The following ATF7 variants were observed in gnomAD, a reference collection of about 807,000 sequenced individuals.
ATF7 encodes the protein activating transcription factor 7.
Under a neutral mutation model 50.4 loss-of-function variants are expected in ATF7, and 10 were observed. The ratio of observed to expected loss-of-function variants is 0.20; its 90% CI spans 0.12 to 0.34. The LOEUF (loss-of-function observed/expected upper bound fraction) is 0.34. Ranked by LOEUF, ATF7 falls within the 10% of genes least tolerant of loss-of-function variation. ATF7 has a pLI of 1.00. For missense variants in ATF7, 465 were observed against 613.9 expected, an observed-to-expected ratio of 0.76 and a Z score of 2.56; for synonymous variants, 201 against 226.4, an observed-to-expected ratio of 0.89 and a Z score of 1.01.
chr12:53,582,027 G>A (rs1942448394), intron 2 of ATF7, among the ~76,000 whole-genome samples: 1 of 151,690 alleles, frequency 6.6e-6, no homozygotes, highest in African/African-American at 2.4e-5. Context: ...CATTTGAACT[G>A]AGGAGTCGGA....
intron 1 of ATF7, among the ~76,000 whole-genome samples, chr12:53,613,235 C>T (rs954708864): frequency 1.4e-5 from 2 of 142,992 alleles, no homozygotes; most frequent in African/African-American, 5.3e-5. Context: ...TTTCCCATTA[C>T]ATCATTTTCT....
chr12:53,560,424 G>A (rs185758922), intron 2 of ATF7, among the ~76,000 whole-genome samples: 22 of 152,212 alleles, frequency 1.4e-4, no homozygotes, highest in African/African-American at 4.3e-4. Flanking sequence ...CAAATGAGAC[G>A]TAAGGCCAAA....
At chr12:53,610,967 T>C (rs1399469955) in intron 1 of ATF7, among the ~76,000 whole-genome samples, 1 of 151,862 alleles carries the variant, frequency 6.6e-6, no homozygotes, top group Non-Finnish European at 1.5e-5. Flanking sequence ...GCTGGGACTA[T>C]AGGTGCACAC....
intron 4 of ATF7, among the ~76,000 whole-genome samples, chr12:53,539,280 G>T (rs551015536): frequency 3.9e-5 from 6 of 152,284 alleles, no homozygotes; most frequent in Admixed American, 6.5e-5. Context: ...AATAAATTGG[G>T]TATAAAATCC....
At chr12:53,510,083 A>G (rs1944101841), downstream of ATF7, among the ~76,000 whole-genome samples, 1 of 148,576 alleles carries the variant, frequency 6.7e-6, no homozygotes, top group South Asian at 2.1e-4. Context: ...CTTGTTGCCC[A>G]GGCTGGAGTG....
At chr12:53,533,307 A>C in intron 6 of ATF7, 48 bp from the exon 7 acceptor site, 1 of 1,444,178 alleles carries the variant, frequency 6.9e-7, no homozygotes, top group Non-Finnish European at 9.7e-7. Context: ...CCTTTTGTCC[A>C]TGGATCTTCC....
intron 4 of ATF7, among the ~76,000 whole-genome samples, chr12:53,541,866 G>A (rs914807468): frequency 7.9e-5 from 12 of 152,136 alleles, no homozygotes; most frequent in African/African-American, 2.6e-4. Flanking sequence ...CTGTCGCCCA[G>A]GCTGGAATGC....
Position 53,552,720 on chromosome 12 carries a change from T to C in ATF7, c.49-83A>G, listed in dbSNP as rs1402228148. Reference sequence around the variant, plus strand: ...CCCTTTTAAAATGTCCTACCAAACATCTTGCAATGAGATTGGTCCCTGGAA... The same window carrying C: ...CCCTTTTAAAATGTCCTACCAAACACCTTGCAATGAGATTGGTCCCTGGAA... On this transcript the variant is annotated intron_variant, in intron 2 of 11. Transcript: ENST00000420353. 9.8e-6 allele frequency: 10 copies of C among 1,023,094 alleles called. No homozygotes were observed. The East Asian group carries it at 1.7e-4, about 18-fold the overall frequency. The allele number at this position is 1,023,094 out of a possible 1,614,324, so 63.4% of individuals were successfully genotyped here. A position where few individuals can be genotyped will look rare whatever the true frequency, so the allele number is the denominator to read the frequency against.
At chr12:53,622,705 G>A (rs1055700797) in intron 1 of ATF7, among the ~76,000 whole-genome samples, 2 of 151,724 alleles carry the variant, frequency 1.3e-5, no homozygotes, top group African/African-American at 4.8e-5. Context: ...CCCCAGAAGA[G>A]ATGCCTCCTG....
intron 2 of ATF7, among the ~76,000 whole-genome samples, chr12:53,575,342 G>C (rs1479153319): frequency 6.6e-6 from 1 of 151,984 alleles, no homozygotes; most frequent in Non-Finnish European, 1.5e-5. Context: ...AGGAGGCGGA[G>C]GCTGCGGTGA....
chr12:53,558,237 A>G (rs1940868930), intron 2 of ATF7, among the ~76,000 whole-genome samples: 1 of 152,206 alleles, frequency 6.6e-6, no homozygotes, highest in Admixed American at 6.6e-5. Flanking sequence ...GTTTGTCACA[A>G]CTGGGAGGAT....
rs903857068 is a variant in ATF7 at position 53,524,085 on chromosome 12, G to C, written c.1125+479C>G. Among the ~76,000 whole-genome samples, 1 of 152,130 alleles carries C rather than the reference G, an allele frequency of 6.6e-6. No individual in the cohort carries two copies. Among genetic ancestry groups the C allele is most frequent in the African/African-American group, 2.4e-5 (1 of 41,430 alleles). On this transcript the variant is annotated intron_variant, in intron 10 of 11. Transcript: ENST00000420353. The surrounding 1 kb of genome is among the most constrained non-coding windows in gnomAD (Gnocchi z 4.6). ...TGTGTGTATATTTTATAATAGAAAT[G>C]TATTTATATATTGCTTTTTAAATTT... is the stretch of plus-strand genomic sequence containing the variant.
chr12:53,602,143 T>C (rs575643881), intron 1 of ATF7, among the ~76,000 whole-genome samples: 1 of 152,134 alleles, frequency 6.6e-6, no homozygotes, highest in Non-Finnish European at 1.5e-5. Flanking sequence ...AATAGTCTTA[T>C]AAACTCCTAA....
At chr12:53,569,383 C>A (rs183787706) in intron 2 of ATF7, among the ~76,000 whole-genome samples, 3 of 152,316 alleles carry the variant, frequency 2.0e-5, no homozygotes, top group African/African-American at 7.2e-5. Context: ...CATTCTCTTG[C>A]ATCTGCTATT....
chr12:53,612,511 ATC>A (rs1943929362), intron 1 of ATF7, among the ~76,000 whole-genome samples: 1 of 151,986 alleles, frequency 6.6e-6, no homozygotes, highest in Non-Finnish European at 1.5e-5. Flanking sequence ...TGACCTCGTG[ATC>A]CACCCGCTTC....
At chr12:53,549,460 ATG>A (rs1394867679) in intron 3 of ATF7, among the ~76,000 whole-genome samples, 3 of 151,636 alleles carry the variant, frequency 2.0e-5, no homozygotes, top group Non-Finnish European at 2.9e-5. Context: ...CTGGAGTGCA[ATG>A]GCACAATCTT....
chr12:53,616,935 ACT>A (rs1944152568), intron 1 of ATF7, among the ~76,000 whole-genome samples: 1 of 138,610 alleles, frequency 7.2e-6, no homozygotes, highest in South Asian at 2.2e-4. Context: ...ACAGAGAACG[ACT>A]CTGTCTCCAA....
intron 2 of ATF7, among the ~76,000 whole-genome samples, chr12:53,555,437 A>G (rs116607080): frequency 0.021 from 3,160 of 150,492 alleles, 114 homozygotes; most frequent in African/African-American, 0.073. Flanking sequence ...ATTGCCAGGT[A>G]TTTGGTAAGA....
intron 2 of ATF7, among the ~76,000 whole-genome samples, chr12:53,580,287 T>C (rs1318310541): frequency 4.8e-5 from 7 of 147,010 alleles, no homozygotes; most frequent in African/African-American, 1.7e-4. Context: ...AAAGAGACAA[T>C]GTCAGAGTCA....
Sources: allele counts gnomAD v4.1 joint callset (sites outside exome capture counted in the v4.1 genomes callset), GRCh38; gene constraint gnomAD v4.1.1; non-coding constraint Gnocchi (gnomAD v3.1); transcripts MANE v1.5; gene names NCBI Gene and HGNC (gene_info 2026-07-23, HGNC 2026-07-21).